SAP130: variants seen among roughly 807,000 people sequenced by gnomAD.
SAP130 encodes the protein Sin3A associated protein 130.
SAP130 carries 16 observed loss-of-function variants against 103.2 expected under a neutral mutation model. That is an observed-to-expected ratio of 0.16 (90% CI 0.10 to 0.24). The LOEUF is 0.24. SAP130 is among the 10% of genes least tolerant of loss of function. The pLI, the probability that SAP130 is intolerant of heterozygous loss-of-function variation, is 1.00. For missense variants in SAP130, 990 were observed against 1,359.7 expected (o/e 0.73, Z 4.28); for synonymous variants, 477 against 497.0 (o/e 0.96, Z 0.53).
In SAP130 at chr2:127,996,311, GAC is replaced by G. The variant is rs1349386713; in HGVS notation, c.1355+37_1355+38del. ...ATGCTGATAAAGCAGAACGATTAATGACACAGTGAGGCAGAATAACTGACACA... is the reference window on the plus strand; with the variant it reads ...ATGCTGATAAAGCAGAACGATTAATGACAGTGAGGCAGAATAACTGACACA... On this transcript the variant is annotated intron_variant, in intron 11 of 20. Coordinates refer to ENST00000643581, the MANE Select transcript of SAP130 (RefSeq NM_001330301.2). This position sits in a 1 kb window ranked among gnomAD's most constrained non-coding sequence, Gnocchi z 4.3. 2 of 1,521,846 alleles carry G rather than the reference GAC, an allele frequency of 1.3e-6. No homozygotes were observed. Among genetic ancestry groups the G allele is most frequent in the Admixed American group, 2.1e-5 (1 of 48,564 alleles). 94.3% of individuals were successfully genotyped at this position (1,521,846 alleles called of 1,614,324 possible). A position where few individuals can be genotyped will look rare whatever the true frequency, so the allele number is the denominator to read the frequency against.
chr2:128,024,952 T>A (rs1685403566), intron 2 of SAP130, among the ~76,000 whole-genome samples: 1 of 142,608 alleles, frequency 7.0e-6, no homozygotes, highest in Non-Finnish European at 1.5e-5. Flanking sequence ...CAGTGAGCTG[T>A]GATTATGCCA....
At chr2:127,954,494 C>T (rs1011799604) in intron 16 of SAP130, among the ~76,000 whole-genome samples, 2 of 150,906 alleles carry the variant, frequency 1.3e-5, no homozygotes, top group South Asian at 2.1e-4. Flanking sequence ...TTTCTCAAAC[C>T]GGAAGTTTGG....
At chr2:127,949,800 T>C (rs901818517) in intron 18 of SAP130, 69 bp downstream of exon 18, 73 of 1,514,674 alleles carry the variant, frequency 4.8e-5, no homozygotes, top group Middle Eastern at 1.7e-4. Flanking sequence ...GTTCTGTTTT[T>C]CTCTTCTATT....
At chr2:127,994,657 G>A (rs964230952) in intron 11 of SAP130, among the ~76,000 whole-genome samples, 1 of 152,074 alleles carries the variant, frequency 6.6e-6, no homozygotes, top group Non-Finnish European at 1.5e-5. Flanking sequence ...TACTCGGGAG[G>A]CTGAGGTGGG....
Position 127,961,305 on chromosome 2 carries a change from A to ATT in SAP130, c.2064-5963_2064-5962dup, listed in dbSNP as rs70985491. On this transcript the variant is annotated intron_variant, in intron 15 of 20. Transcript: ENST00000643581. Reference sequence around the variant, plus strand: ...AGGGGTGTACCACCATGCCCAGCTAATTTTTTTTTTTTTTTTAATTTTAGT... The same window carrying ATT: ...AGGGGTGTACCACCATGCCCAGCTAATTTTTTTTTTTTTTTTTTAATTTTAGT... 2.1e-3 allele frequency among the ~76,000 whole-genome samples: 305 copies of ATT among 142,552 alleles called. 2 individuals carry two copies. In the East Asian group the frequency reaches 0.028, roughly 13 times the overall value. 93.5% of individuals were successfully genotyped at this position (142,552 alleles called of 152,430 possible). A position where few individuals can be genotyped will look rare whatever the true frequency, so the allele number is the denominator to read the frequency against.
chr2:127,945,377 A>G (rs1488365256), intron 19 of SAP130, 79 bp downstream of exon 19: 16 of 862,810 alleles, frequency 1.9e-5, no homozygotes, highest in Non-Finnish European at 2.9e-5. Flanking sequence ...GTTACTTTTA[A>G]AAAGTTCTAT....
At chr2:127,975,732 A>C (rs1681414680) in intron 15 of SAP130, among the ~76,000 whole-genome samples, 1 of 152,204 alleles carries the variant, frequency 6.6e-6, no homozygotes, top group Non-Finnish European at 1.5e-5. Context: ...CTGCCATCAC[A>C]CAGAAAGATG....
chr2:128,000,224 T>A, intron 8 of SAP130, 78 bp from the exon 9 acceptor site: 1 of 1,603,280 alleles, frequency 6.2e-7, no homozygotes, highest in African/African-American at 1.3e-5. Flanking sequence ...ATGCCTTCGG[T>A]ATCACCAGGC....
intron 3 of SAP130, among the ~76,000 whole-genome samples, chr2:128,017,291 C>T (rs1256073007): frequency 6.6e-6 from 1 of 152,128 alleles, no homozygotes; most frequent in Non-Finnish European, 1.5e-5. Context: ...CACTGCACTC[C>T]AGCCTGGATG....
At chr2:127,980,722 A>C (rs1036233774) in intron 14 of SAP130, among the ~76,000 whole-genome samples, 3 of 152,128 alleles carry the variant, frequency 2.0e-5, no homozygotes, top group Non-Finnish European at 2.9e-5. Context: ...ACCAGGTGGA[A>C]TGCTTCAGCC....
At chr2:127,957,104 C>G (rs1679893975) in intron 15 of SAP130, among the ~76,000 whole-genome samples, 1 of 152,080 alleles carries the variant, frequency 6.6e-6, no homozygotes, top group Non-Finnish European at 1.5e-5. Context: ...AGATCGAGAC[C>G]AGCCTGGGCA....
chr2:127,951,061 T>G (rs955201815), intron 16 of SAP130, among the ~76,000 whole-genome samples: 1 of 152,228 alleles, frequency 6.6e-6, no homozygotes, highest in Non-Finnish European at 1.5e-5. Flanking sequence ...AAAAATCATC[T>G]GAATAAGTAG....
chr2:127,959,501 G>T (rs544702873), intron 15 of SAP130, among the ~76,000 whole-genome samples: 1 of 152,310 alleles, frequency 6.6e-6, no homozygotes, highest in African/African-American at 2.4e-5. Context: ...ATCATCAGAG[G>T]CCAACCGGGA....
At chr2:128,011,815 C>T (rs1316183146) in intron 6 of SAP130, among the ~76,000 whole-genome samples, 1 of 152,086 alleles carries the variant, frequency 6.6e-6, no homozygotes, top group Non-Finnish European at 1.5e-5. Flanking sequence ...TTAATCTTAT[C>T]TTTCTTATTT....
At chr2:127,992,100 T>C (rs1682851086) in intron 12 of SAP130, among the ~76,000 whole-genome samples, 1 of 152,054 alleles carries the variant, frequency 6.6e-6, no homozygotes, top group Non-Finnish European at 1.5e-5. Context: ...GCTTCCTTAG[T>C]AGTTGGGACT....
chr2:127,962,812 G>A (rs1022513879), intron 15 of SAP130, among the ~76,000 whole-genome samples: 2 of 151,260 alleles, frequency 1.3e-5, no homozygotes, highest in African/African-American at 4.9e-5. Flanking sequence ...ATACCAACAC[G>A]GCACATGTAT....
At chr2:127,999,169 G>A (rs764789323) in intron 10 of SAP130, among the ~76,000 whole-genome samples, 3 of 152,156 alleles carry the variant, frequency 2.0e-5, no homozygotes, top group Non-Finnish European at 2.9e-5. Context: ...CTTAAGGGCT[G>A]GTGTAGGCTG....
chr2:128,001,086 T>A (rs1250018849), intron 7 of SAP130, among the ~76,000 whole-genome samples: 2 of 152,142 alleles, frequency 1.3e-5, no homozygotes, highest in South Asian at 4.1e-4. Flanking sequence ...CATCATTCCT[T>A]AGCAAATGTA....
At chr2:127,964,942 T>C (rs1364247209) in intron 15 of SAP130, among the ~76,000 whole-genome samples, 1 of 147,404 alleles carries the variant, frequency 6.8e-6, no homozygotes, top group African/African-American at 2.5e-5. Flanking sequence ...GAAGTTGCAG[T>C]GAGCCGAGAA....
Sources: gnomAD v4.1 joint callset for allele counts (sites outside exome capture counted in the v4.1 genomes callset) on GRCh38, gnomAD v4.1.1 for gene constraint, Gnocchi (gnomAD v3.1) non-coding constraint, MANE v1.5 for transcripts, NCBI Gene and HGNC (gene_info 2026-07-23, HGNC 2026-07-21) for gene names.